Variants in UBR3 observed in about 807,000 individuals in gnomAD.
The protein encoded by UBR3 is E3 ubiquitin-protein ligase UBR3.
A neutral mutation model predicts 243.2 loss-of-function variants in UBR3; 85 were observed. The observed-to-expected ratio is 0.35, with a 90% CI of 0.29 to 0.42. The LOEUF is 0.42. Ranked by LOEUF, UBR3 falls within the 10% of genes least tolerant of loss-of-function variation. The pLI, the probability that UBR3 is intolerant of heterozygous loss-of-function variation, is 1.00. For synonymous variants in UBR3, 748 were observed against 799.8 expected, an observed-to-expected ratio of 0.94 and a Z score of 1.09; for missense variants, 1,686 against 2,300.8, an observed-to-expected ratio of 0.73 and a Z score of 5.47.
At chr2:169,916,684 G>A (rs1187256680) in intron 11 of UBR3, among the ~76,000 whole-genome samples, 2 of 151,920 alleles carry the variant, frequency 1.3e-5, no homozygotes, top group African/African-American at 4.8e-5. Context: ...TTCCAGGCTG[G>A]CCCCCTGTAT....
chr2:170,023,089 G>T (rs887023325), intron 30 of UBR3, among the ~76,000 whole-genome samples: 2 of 152,020 alleles, frequency 1.3e-5, no homozygotes. Context: ...GAGAAAGGGA[G>T]ATTTTTTTCT....
chr2:170,050,434 C>T (rs1325354896), intron 32 of UBR3, among the ~76,000 whole-genome samples: 1 of 152,082 alleles, frequency 6.6e-6, no homozygotes, highest in Non-Finnish European at 1.5e-5. Flanking sequence ...TTCTTCAGAT[C>T]ATGTCCTGTT....
chr2:169,890,352 T>C (rs1009168415), intron 5 of UBR3, among the ~76,000 whole-genome samples: 1 of 151,700 alleles, frequency 6.6e-6, no homozygotes, highest in Non-Finnish European at 1.5e-5. Flanking sequence ...CATGCTCTGA[T>C]CTAGCCTTAA....
rs1245920725 is a variant in UBR3, at chr2:169,926,912, C to T, written c.2279C>T (p.Ser760Leu). 4.5e-6 allele frequency: 7 copies of T among 1,551,016 alleles called. No homozygotes were observed. Among genetic ancestry groups the T allele is most frequent in the East Asian group, 2.4e-5 (1 of 40,910 alleles). ...NTVLDAEHER[S>L]MLEGALTFLV... ...GTACTTGATGCAGAGCATGAGAGGTCGATGTTAGAAGGCGCTCTTACATTT... is the reference window on the plus strand; with the variant it reads ...GTACTTGATGCAGAGCATGAGAGGTTGATGTTAGAAGGCGCTCTTACATTT... Residue 760 changes from serine to leucine, a missense_variant, in exon 16 of 39, where the codon TCG becomes TTG. By Grantham distance (145) the Ser-to-Leu change is moderately radical (BLOSUM62 -2). This residue lies in a region of UBR3 where 346 missense variants were observed against 585.8 expected (regional missense o/e 0.59). Transcript: ENST00000272793.
At chr2:170,015,619 A>C (rs2090213359) in intron 30 of UBR3, among the ~76,000 whole-genome samples, 2 of 151,782 alleles carry the variant, frequency 1.3e-5, no homozygotes, top group Admixed American at 6.6e-5. Context: ...GCACTGTATG[A>C]TTCTCAGCTA....
At chr2:169,896,473 A>C in intron 7 of UBR3, 34 bp from the exon 8 acceptor site, 1 of 1,295,990 alleles carries the variant, frequency 7.7e-7, no homozygotes, top group African/African-American at 1.5e-5. Flanking sequence ...ATTAAAACTA[A>C]TGTGTTTTTT....
chr2:169,959,172 A>G (rs2087449248), intron 24 of UBR3, among the ~76,000 whole-genome samples: 1 of 152,156 alleles, frequency 6.6e-6, no homozygotes. Context: ...TAAAATACAC[A>G]CATATATGCA....
chr2:169,919,166 T>C (rs2085588460), intron 11 of UBR3, among the ~76,000 whole-genome samples: 3 of 152,180 alleles, frequency 2.0e-5, no homozygotes, highest in Admixed American at 2.0e-4. Flanking sequence ...TGAATTTATG[T>C]GACAGAAGAT....
chr2:169,862,700 T>C (rs1266733528), intron 1 of UBR3, among the ~76,000 whole-genome samples: 1 of 152,204 alleles, frequency 6.6e-6, no homozygotes, highest in Admixed American at 6.5e-5. Context: ...AATATATAGA[T>C]TGGTTTAGGT....
chr2:169,838,426 TG>T (rs1187822643), intron 1 of UBR3, among the ~76,000 whole-genome samples: 2 of 149,502 alleles, frequency 1.3e-5, no homozygotes, highest in East Asian at 3.9e-4. Flanking sequence ...TGTGTGTGTG[TG>T]TGTGTGTGTG....
chr2:170,040,558 A>T (rs571810281), intron 31 of UBR3, among the ~76,000 whole-genome samples: 4 of 152,292 alleles, frequency 2.6e-5, no homozygotes, highest in South Asian at 4.1e-4. Context: ...TTGTAGTGAA[A>T]CTAATTCTTT....
In UBR3 at chr2:169,903,827, C is replaced by A. The variant is rs78808638; in HGVS notation, c.1466-1287C>A. On this transcript the variant is annotated intron_variant, in intron 8 of 38. Coordinates refer to ENST00000272793, the MANE Select transcript of UBR3 (RefSeq NM_172070.4). ...CTTGAGCCCAGGAGTTTGAGTCCAG[C>A]GTGGGCAACATAGTGAGACCCCCAT... Among the ~76,000 whole-genome samples, 1,296 of 152,102 alleles carry A rather than the reference C, an allele frequency of 8.5e-3. 23 individuals carry two copies. The highest frequency in any genetic ancestry group is 0.029 in the African/African-American group (1,211 of 41,490).
At chr2:169,917,050 A>T (rs1022225847) in intron 11 of UBR3, among the ~76,000 whole-genome samples, 4 of 151,946 alleles carry the variant, frequency 2.6e-5, no homozygotes, top group African/African-American at 9.7e-5. Flanking sequence ...GTTATCTTTA[A>T]TTCTAATCCC....
chr2:169,957,259 C>G (rs1387355780), intron 23 of UBR3, among the ~76,000 whole-genome samples: 1 of 129,506 alleles, frequency 7.7e-6, no homozygotes, highest in African/African-American at 2.8e-5. Context: ...TATGGTAACA[C>G]TGTATTGGTG....
chr2:169,940,398 G>C (rs547006582), intron 19 of UBR3, among the ~76,000 whole-genome samples: 1 of 152,214 alleles, frequency 6.6e-6, no homozygotes, highest in Non-Finnish European at 1.5e-5. Context: ...TAAAATGTCT[G>C]CATGTCTGGA....
At chr2:170,018,480 A>G (rs1368454427) in intron 30 of UBR3, among the ~76,000 whole-genome samples, 1 of 152,156 alleles carries the variant, frequency 6.6e-6, no homozygotes, top group Non-Finnish European at 1.5e-5. Context: ...ATTCAGGACC[A>G]TGTATTCAGC....
At chr2:169,992,983 A>G (rs990579013) in intron 25 of UBR3, among the ~76,000 whole-genome samples, 6 of 152,092 alleles carry the variant, frequency 3.9e-5, no homozygotes, top group Non-Finnish European at 8.8e-5. Context: ...CCGGTCTTGA[A>G]CTTCTGGCCT....
intron 24 of UBR3, among the ~76,000 whole-genome samples, chr2:169,979,359 C>G (rs1407821771): frequency 6.6e-6 from 1 of 152,162 alleles, no homozygotes; most frequent in African/African-American, 2.4e-5. Context: ...TAAAGCTAAG[C>G]TTAATCTTAC....
intron 24 of UBR3, among the ~76,000 whole-genome samples, chr2:169,971,882 A>G (rs1350253501): frequency 6.6e-6 from 1 of 152,220 alleles, no homozygotes; most frequent in Non-Finnish European, 1.5e-5. Flanking sequence ...ATACACATTC[A>G]AAAGCTAACA....
Sources: gnomAD v4.1 joint callset for allele counts (sites outside exome capture counted in the v4.1 genomes callset) on GRCh38, gnomAD v4.1.1 for gene constraint, gnomAD v4.1.1 regional missense constraint, MANE v1.5 for transcripts, NCBI Gene and HGNC (gene_info 2026-07-23, HGNC 2026-07-21) for gene names.